The following SUGP2 variants were observed in gnomAD, a reference collection of about 807,000 sequenced individuals.
SUGP2 encodes SURP and G-patch domain containing 2, also known as SURP and G-patch domain-containing protein 2.
In SUGP2, 24 loss-of-function variants were observed where a neutral mutation model predicts 90.5. That is an observed-to-expected ratio of 0.27 (90% CI 0.19 to 0.37). SUGP2 has a LOEUF of 0.37. SUGP2 is among the 10% of genes least tolerant of loss of function. The probability of loss-of-function intolerance (pLI) is 1.00; values close to 1 mark genes in which losing one functional copy is unlikely to be tolerated. For missense variants in SUGP2, 1,233 were observed against 1,363.3 expected (o/e 0.90, Z 1.51); for synonymous variants, 473 against 513.4 (o/e 0.92, Z 1.06).
intron 9 of SUGP2, chr19:18,994,714 G>A (rs2057503557): frequency 3.5e-6 from 2 of 578,150 alleles, no homozygotes; most frequent in Admixed American, 3.2e-5. Flanking sequence ...ACCTCGGAAT[G>A]CCTTACCCAG....
At chr19:19,018,975 C>G (rs1262626765) in intron 4 of SUGP2, 134 bp downstream of exon 4, 1 of 1,034,574 alleles carries the variant, frequency 9.7e-7, no homozygotes, top group East Asian at 2.6e-5. Flanking sequence ...TCTGAGCCAC[C>G]CTCATGCTCT....
rs2057388755 is a variant in SUGP2, at chr19:18,992,148, T to C, written c.*1593A>G. ...TCACTGCAACCTCCGCCTCCCGGGT[T>C]CAAGTGATTCTCCTGCCTCAGCCTC... On this transcript the variant is annotated 3_prime_UTR_variant, in exon 11 of 11. Coordinates refer to ENST00000452918, the MANE Select transcript of SUGP2 (RefSeq NM_001017392.5). 1 of 151,930 alleles carries C rather than the reference T, an allele frequency of 6.6e-6. No individual in the cohort carries two copies. Among genetic ancestry groups the C allele is most frequent in the South Asian group, 2.1e-4 (1 of 4,814 alleles). 9.4% of individuals were successfully genotyped at this position (151,930 alleles called of 1,614,324 possible). A position where few individuals can be genotyped will look rare whatever the true frequency, so the allele number is the denominator to read the frequency against.
At chr19:19,004,131 G>A (rs1315075231) in intron 7 of SUGP2, 37 bp downstream of exon 7, 1 of 1,479,260 alleles carries the variant, frequency 6.8e-7, no homozygotes, top group Non-Finnish European at 9.1e-7. Flanking sequence ...ACCAAGAACT[G>A]TGCTAGAGGC....
rs145157655 is a variant in SUGP2, at chr19:19,004,263, C to A, written c.2834G>T (p.Gly945Val). 223 of 1,613,552 alleles carry A rather than the reference C, an allele frequency of 1.4e-4. No individual in the cohort carries two copies. The highest frequency in any genetic ancestry group is 1.8e-4 in the Non-Finnish European group (210 of 1,179,596). Reference protein sequence around the residue: ...GAPALSQASSGTCFPRKRISS... With the variant: ...GAPALSQASSVTCFPRKRISS... Reference sequence around the variant, plus strand: ...GATCCTCTTCCGAGGGAAGCAGGTACCTGAGGAGGCCTGTGACAAGGCAGG... The same window carrying A: ...GATCCTCTTCCGAGGGAAGCAGGTAACTGAGGAGGCCTGTGACAAGGCAGG... Residue 945 changes from glycine to valine, a missense_variant, in exon 7 of 11, where the codon GGT (glycine) becomes GTT (valine). Physicochemically the swap from Gly to Val is moderately radical, Grantham distance 109. Around this residue, in one of 8 missense-constraint regions of SUGP2, gnomAD observed 105 missense variants for 155.2 expected, o/e 0.68. Coordinates refer to ENST00000452918, the MANE Select transcript of SUGP2 (RefSeq NM_001017392.5).
intron 2 of SUGP2, 127 bp downstream of exon 2, chr19:19,030,824 T>C: frequency 8.7e-7 from 1 of 1,143,956 alleles, no homozygotes. Context: ...CTTTACCTCC[T>C]CCTAAATAAG....
rs369388992 is a variant in SUGP2 at position 19,001,678 on chromosome 19, G to C, written c.2930-4C>G. Reference sequence around the variant, plus strand: ...GCAATTCGAACTGGTTCATGGACTAGAAGACAAAAGAAAGAGACACATACA... The same window carrying C: ...GCAATTCGAACTGGTTCATGGACTACAAGACAAAAGAAAGAGACACATACA... On this transcript the variant is annotated splice_polypyrimidine_tract_variant and splice_region_variant and intron_variant, in intron 7 of 10. Transcript: ENST00000452918. 5.0e-6 allele frequency: 8 copies of C among 1,614,172 alleles called. No individual in the cohort carries two copies. Among genetic ancestry groups the C allele is most frequent in the African/African-American group, 1.3e-5 (1 of 75,058 alleles).
At chr19:18,997,688 C>A (rs1025811743) in intron 8 of SUGP2, among the ~76,000 whole-genome samples, 1 of 146,760 alleles carries the variant, frequency 6.8e-6, no homozygotes, top group Non-Finnish European at 1.5e-5. Context: ...GAGGCTGAGG[C>A]AGGAGAATCC....
At chr19:19,018,861 C>A (rs1400823074) in intron 4 of SUGP2, among the ~76,000 whole-genome samples, 1 of 152,134 alleles carries the variant, frequency 6.6e-6, no homozygotes, top group Admixed American at 6.5e-5. Flanking sequence ...TTAAAACAGC[C>A]CAGCAGGGAC....
rs761595993 is a variant in SUGP2 at position 19,010,282 on chromosome 19, C to T, written c.1911G>A (p.Met637Ile). Residue 637 changes from methionine (M) to isoleucine (I), a missense_variant, in exon 5 of 11, where the codon ATG becomes ATA. Physicochemically the swap from Met to Ile is conservative, Grantham distance 10. Coordinates refer to ENST00000452918, the MANE Select transcript of SUGP2 (RefSeq NM_001017392.5). ...CTCGCAAGTTCTCGCTCATCCGCTG[C>T]ATTTCTGCCAACTTCAGCTTGTAAT... Reference protein sequence around the residue: ...YKYYKLKLAEMQRMSENLRGA... With the variant: ...YKYYKLKLAEIQRMSENLRGA... 1.2e-6 allele frequency: 2 copies of T among 1,613,854 alleles called. No homozygotes were observed. Among genetic ancestry groups the T allele is most frequent in the Non-Finnish European group, 1.7e-6 (2 of 1,180,048 alleles).
intron 4 of SUGP2, among the ~76,000 whole-genome samples, chr19:19,012,171 C>G (rs748717415): frequency 2.8e-4 from 42 of 152,300 alleles, no homozygotes; most frequent in Non-Finnish European, 5.6e-4. Context: ...CGACTGAGTA[C>G]CGGCTCCACT....
At position 19,009,573 on chromosome 19, in the gene SUGP2, G is replaced by A. The variant is rs138493026; in HGVS notation, c.2338+282C>T. 1.5e-3 allele frequency among the ~76,000 whole-genome samples: 224 copies of A among 152,252 alleles called. 2 individuals carry two copies. The highest frequency in any genetic ancestry group is 5.4e-3 in the Admixed American group (82 of 15,288). ...CAAGTTCAGGCAATGCACCGCCCAC[G>A]GCCCCAGCAGCAGGACCCTGTCGGG... On this transcript the variant is annotated intron_variant, in intron 5 of 10. Transcript: ENST00000452918.
At chr19:18,997,463 C>A (rs1162976559) in intron 8 of SUGP2, among the ~76,000 whole-genome samples, 1 of 152,166 alleles carries the variant, frequency 6.6e-6, no homozygotes, top group Non-Finnish European at 1.5e-5. Flanking sequence ...GAGAACTCAA[C>A]ATGCAGCAAG....
intron 5 of SUGP2, 66 bp from the exon 6 acceptor site, chr19:19,008,494 G>T: frequency 7.9e-7 from 1 of 1,260,096 alleles, no homozygotes; most frequent in Non-Finnish European, 1.2e-6. Context: ...AAACACTGCA[G>T]GGTTGTGGAG....
chr19:19,024,803 T>C lies in SUGP2; in HGVS notation c.1545A>G (p.Pro515=), dbSNP rs2058859383. 1.9e-6 allele frequency: 3 copies of C among 1,614,180 alleles called. No homozygotes were observed. The highest frequency in any genetic ancestry group is 2.7e-5 in the African/African-American group (2 of 75,042). ...CAAACAAAGTGGAGTCTTCGAAGTT[T>C]GGAAACGCAGCAGGTGAGGGAGCTA... ...QDIAPSPAAF[P]NFEDSTLFGR... is the part of the protein sequence containing the mutation. Residue 515 remains proline (P), a synonymous_variant, in exon 3 of 11, where the codon CCA becomes CCG. Transcript: ENST00000452918.
chr19:19,018,563 T>C (rs2058588194), intron 4 of SUGP2, among the ~76,000 whole-genome samples: 1 of 150,906 alleles, frequency 6.6e-6, no homozygotes, highest in Admixed American at 6.6e-5. Flanking sequence ...GGTGGGCTCC[T>C]GTAGTCCCAG....
intron 2 of SUGP2, among the ~76,000 whole-genome samples, chr19:19,029,434 AT>A (rs1048905180): frequency 1.6e-5 from 2 of 125,376 alleles, no homozygotes; most frequent in African/African-American, 3.0e-5. Context: ...GCGCCCGGCC[AT>A]TTTTTTTCTT....
At position 18,998,014 on chromosome 19, in the gene SUGP2, A is replaced by G. The variant is rs146752224; in HGVS notation, c.2992-2734T>C. Among the ~76,000 whole-genome samples, 7 of 152,246 alleles carry G rather than the reference A, an allele frequency of 4.6e-5. No individual in the cohort carries two copies. In the East Asian group the frequency reaches 1.4e-3, roughly 29 times the overall value. ...AACCAGAGTTGAAAACTCCTATCAC[A>G]CAAGAAGAGATGGAACATTAAACAC... On this transcript the variant is annotated intron_variant, in intron 8 of 10. Coordinates refer to ENST00000452918, the MANE Select transcript of SUGP2 (RefSeq NM_001017392.5).
rs879105215 is a variant in SUGP2 at position 19,025,803 on chromosome 19, T to A, written c.545A>T (p.Glu182Val). 4 of 1,613,928 alleles carry A rather than the reference T, an allele frequency of 2.5e-6. No homozygotes were observed. Among genetic ancestry groups the A allele is most frequent in the South Asian group, 2.2e-5 (2 of 91,078 alleles). Residue 182 changes from glutamate (E) to valine (V), a missense_variant, in exon 3 of 11, where the codon GAG becomes GTG. This residue lies in a region of SUGP2 where 418 missense variants were observed against 399.9 expected (regional missense o/e 1.05). Coordinates refer to ENST00000452918, the MANE Select transcript of SUGP2 (RefSeq NM_001017392.5). ...DFGSSRLIEK[E>V]CLEKESRDYD... is the part of the protein sequence containing the mutation. ...ATCCCGACTCTCCTTCTCCAAACAC[T>A]CTTTCTCAATCAGCCTGGAAGATCC...
chr19:18,992,332 G>A lies in SUGP2; in HGVS notation c.*1409C>T, dbSNP rs1344636834. ...CCCAAAGTGCTGGAATTATAGGCGT[G>A]AGTCACCGTGCCGGCCTTTTTTTTT... On this transcript the variant is annotated 3_prime_UTR_variant, in exon 11 of 11. Coordinates refer to ENST00000452918, the MANE Select transcript of SUGP2 (RefSeq NM_001017392.5). The A allele has an allele frequency of 1.4e-5, 2 of 142,516 alleles. No individual in the cohort carries two copies. Among genetic ancestry groups the A allele is most frequent in the African/African-American group, 5.3e-5 (2 of 37,878 alleles). 8.8% of individuals were successfully genotyped at this position (142,516 alleles called of 1,614,324 possible). A position where few individuals can be genotyped will look rare whatever the true frequency, so the allele number is the denominator to read the frequency against.
Sources: gnomAD v4.1 joint callset for allele counts (sites outside exome capture counted in the v4.1 genomes callset) on GRCh38, gnomAD v4.1.1 for gene constraint, gnomAD v4.1.1 regional missense constraint, MANE v1.5 for transcripts, NCBI Gene and HGNC (gene_info 2026-07-23, HGNC 2026-07-21) for gene names.